The following BRWD1 variants were observed in gnomAD, a reference collection of about 807,000 sequenced individuals.
BRWD1 encodes the protein bromodomain and WD repeat domain containing 1.
In BRWD1, 82 loss-of-function variants were observed where a neutral mutation model predicts 251.2. The ratio of observed to expected loss-of-function variants is 0.33; its 90% CI spans 0.27 to 0.39. The LOEUF (loss-of-function observed/expected upper bound fraction) is 0.39, where lower values mean the gene tolerates loss of function less well. BRWD1 is among the 10% of genes least tolerant of loss of function. The probability of loss-of-function intolerance (pLI) is 1.00; values close to 1 mark genes in which losing one functional copy is unlikely to be tolerated. For missense variants in BRWD1, 2,233 were observed against 2,711.6 expected, an observed-to-expected ratio of 0.82 and a Z score of 3.92; for synonymous variants, 918 against 902.8, an observed-to-expected ratio of 1.02 and a Z score of -0.30.
chr21:39,244,630 A>G (rs1015387929), intron 21 of BRWD1, among the ~76,000 whole-genome samples: 4 of 152,120 alleles, frequency 2.6e-5, no homozygotes, highest in East Asian at 3.9e-4. Flanking sequence ...TTCCACATCA[A>G]TAATGATAAT....
In BRWD1 at chr21:39,232,204, C is replaced by T. The variant is rs1470736680; in HGVS notation, c.2973G>A (p.Lys991=). Reference sequence around the variant, plus strand: ...TAAGATCCATTTTTCTCCATGGCTCCTTATTAGGGTTCAGTTCATAAATAT... The same window carrying T: ...TAAGATCCATTTTTCTCCATGGCTCTTTATTAGGGTTCAGTTCATAAATAT... ...RNNIYELNPN[K]EPWRKMDLRD... Residue 991 remains lysine, a synonymous_variant, in exon 25 of 41, where the codon AAG becomes AAA. Coordinates refer to ENST00000342449, the MANE Select transcript of BRWD1 (RefSeq NM_033656.4). 6.2e-7 allele frequency: 1 copy of T among 1,612,828 alleles called. No homozygotes were observed. The highest frequency in any genetic ancestry group is 8.5e-7 in the Non-Finnish European group (1 of 1,179,300).
intron 8 of BRWD1, among the ~76,000 whole-genome samples, chr21:39,290,472 C>T (rs1224115232): frequency 7.0e-6 from 1 of 142,930 alleles, no homozygotes; most frequent in African/African-American, 2.6e-5. Flanking sequence ...GCCTGGGCAA[C>T]AGAGCAAGAC....
chr21:39,259,768 C>T (rs2034680781), intron 17 of BRWD1, among the ~76,000 whole-genome samples: 3 of 152,092 alleles, frequency 2.0e-5, no homozygotes, highest in South Asian at 2.1e-4. Context: ...ACCCAGGAGG[C>T]GAAGGTTGCA....
intron 4 of BRWD1, among the ~76,000 whole-genome samples, chr21:39,304,387 G>A (rs909261958): frequency 6.6e-6 from 1 of 152,044 alleles, no homozygotes; most frequent in Non-Finnish European, 1.5e-5. Flanking sequence ...AAGGCGGGAG[G>A]ACTGCCTGAG....
chr21:39,249,313 A>T (rs988671074), intron 20 of BRWD1, among the ~76,000 whole-genome samples: 3 of 152,248 alleles, frequency 2.0e-5, no homozygotes, highest in African/African-American at 7.2e-5. Context: ...CTCGCAATTT[A>T]CCTATATAAC....
At chr21:39,256,273 T>G (rs1382435038) in intron 18 of BRWD1, among the ~76,000 whole-genome samples, 1 of 152,216 alleles carries the variant, frequency 6.6e-6, no homozygotes, top group African/African-American at 2.4e-5. Context: ...TGTGCCTTCT[T>G]AAAAATTGCA....
chr21:39,203,256 AG>A (rs1054600735), intron 37 of BRWD1, among the ~76,000 whole-genome samples: 1 of 152,110 alleles, frequency 6.6e-6, no homozygotes, highest in African/African-American at 2.4e-5. Context: ...TTCAAACACT[AG>A]CCTGGGCAAC....
At chr21:39,234,317 C>CTA (rs1048850550) in intron 23 of BRWD1, among the ~76,000 whole-genome samples, 2 of 152,112 alleles carry the variant, frequency 1.3e-5, no homozygotes, top group African/African-American at 4.8e-5. Context: ...GTTTGGGAAG[C>CTA]TAACCTCTTA....
intron 4 of BRWD1, among the ~76,000 whole-genome samples, chr21:39,312,235 A>T (rs781509443): frequency 6.6e-6 from 1 of 152,256 alleles, no homozygotes; most frequent in Non-Finnish European, 1.5e-5. Flanking sequence ...TATCTACAAG[A>T]TCAGTGTGAA....
At chr21:39,296,195 G>C (rs1400185482) in intron 6 of BRWD1, 70 bp downstream of exon 6, 2 of 1,260,250 alleles carry the variant, frequency 1.6e-6, no homozygotes, top group East Asian at 2.5e-5. Context: ...TTTTAATACA[G>C]CATTTATAAA....
intron 12 of BRWD1, 78 bp from the exon 13 acceptor site, chr21:39,274,550 A>C: frequency 8.7e-7 from 1 of 1,147,596 alleles, no homozygotes. Flanking sequence ...ACATGCAAAA[A>C]AAGAATGTAA....
intron 29 of BRWD1, among the ~76,000 whole-genome samples, chr21:39,223,966 A>G (rs2033282104): frequency 6.6e-6 from 1 of 152,148 alleles, no homozygotes; most frequent in Non-Finnish European, 1.5e-5. Flanking sequence ...CTCCTGCCTC[A>G]GCCTCCCAAG....
intron 19 of BRWD1, 83 bp downstream of exon 19, chr21:39,255,558 CAATT>C (rs2034537504): frequency 9.0e-7 from 1 of 1,107,064 alleles, no homozygotes; most frequent in Non-Finnish European, 1.3e-6. Context: ...ATTATTTACA[CAATT>C]AATGGAATAC....
chr21:39,224,337 G>T, intron 29 of BRWD1, 71 bp downstream of exon 29: 1 of 859,088 alleles, frequency 1.2e-6, no homozygotes, highest in South Asian at 1.9e-5. Context: ...AAATATGTTT[G>T]TTCCATGTGC....
At chr21:39,315,238 A>C (rs992428792), upstream of BRWD1, among the ~76,000 whole-genome samples, 4 of 151,872 alleles carry the variant, frequency 2.6e-5, no homozygotes, top group Non-Finnish European at 4.4e-5. Context: ...TCCTGGCCTC[A>C]GGTGATCCAC....
Position 39,186,870 on chromosome 21 carries a change from G to A in BRWD1, c.*9389C>T. 1 of 1,272,688 alleles carries A rather than the reference G, an allele frequency of 7.9e-7. No homozygotes were observed. The highest frequency in any genetic ancestry group is 1.0e-6 in the Non-Finnish European group (1 of 955,558). 78.8% of individuals were successfully genotyped at this position (1,272,688 alleles called of 1,614,324 possible). ...TTCCCCAGAGCACATGTCTGTACAA[G>A]AGCTGACTGGGAGGAACCCACTGGA... On this transcript the variant is annotated 3_prime_UTR_variant, in exon 41 of 41. Coordinates refer to ENST00000342449, the MANE Select transcript of BRWD1 (RefSeq NM_033656.4).
Position 39,254,998 on chromosome 21 carries a change from A to T in BRWD1, c.2255+647T>A, listed in dbSNP as rs187506816. On this transcript the variant is annotated intron_variant, in intron 19 of 40. Transcript: ENST00000342449. ...ATAACAGCATTATTTTATATATTTT[A>T]AAATTTCTTATCTTTAGAAATACAC... Among the ~76,000 whole-genome samples, 11 of 152,344 alleles carry T rather than the reference A, an allele frequency of 7.2e-5. No homozygotes were observed. In the East Asian group the frequency reaches 1.9e-3, roughly 27 times the overall value.
intron 17 of BRWD1, among the ~76,000 whole-genome samples, chr21:39,261,480 G>A (rs1044408316): frequency 2.0e-5 from 3 of 152,042 alleles, no homozygotes; most frequent in Non-Finnish European, 4.4e-5. Context: ...CTACTATTTT[G>A]GTGCCACAAC....
chr21:39,274,306 A>AGC, intron 13 of BRWD1, 68 bp downstream of exon 13: 7 of 149,688 alleles, frequency 4.7e-5, no homozygotes, highest in Non-Finnish European at 8.0e-5. Flanking sequence ...ACAGAGAGCG[A>AGC]GAGAGAGAGA....
Sources: allele counts gnomAD v4.1 joint callset (sites outside exome capture counted in the v4.1 genomes callset), GRCh38; gene constraint gnomAD v4.1.1; transcripts MANE v1.5; gene names NCBI Gene and HGNC (gene_info 2026-07-23, HGNC 2026-07-21).